MON2: variants seen among roughly 807,000 people sequenced by gnomAD.
MON2 encodes the protein MON2 regulator of endosome-to-Golgi trafficking, also known as protein MON2 homolog.
A neutral mutation model predicts 208.6 loss-of-function variants in MON2; 84 were observed. That is an observed-to-expected ratio of 0.40 (90% CI 0.34 to 0.48). The LOEUF (loss-of-function observed/expected upper bound fraction) is 0.48. Among genes scored for constraint, MON2 ranks in the 20% least tolerant of loss-of-function variants. The pLI, the probability that MON2 is intolerant of heterozygous loss-of-function variation, is 0.59. For synonymous variants in MON2, 660 were observed against 694.0 expected (o/e 0.95, Z 0.77); for missense variants, 1,611 against 2,015.4 (o/e 0.80, Z 3.84).
chr12:62,534,568 T>TATATA (rs1245730265), intron 12 of MON2, among the ~76,000 whole-genome samples: 1 of 116,662 alleles, frequency 8.6e-6, no homozygotes, highest in Non-Finnish European at 1.8e-5. Flanking sequence ...TATATATATA[T>TATATA]TTTATATATA....
chr12:62,596,414 A>G lies in MON2; in HGVS notation c.*3665A>G, dbSNP rs1210101092. 6.6e-6 allele frequency: 1 copy of G among 152,248 alleles called. No homozygotes were observed. Among genetic ancestry groups the G allele is most frequent in the Non-Finnish European group, 1.5e-5 (1 of 68,048 alleles). The allele number at this position is 152,248 out of a possible 1,614,324, so 9.4% of individuals were successfully genotyped here. On this transcript the variant is annotated 3_prime_UTR_variant, in exon 35 of 35. Coordinates refer to ENST00000393630, the MANE Select transcript of MON2 (RefSeq NM_015026.3). ...GAATGGGTTAGTGTACAGGCTCAGA[A>G]TATTGTGGATTACAGTTTTTCAGAG...
chr12:62,567,179 G>T (rs1462284941), intron 29 of MON2, among the ~76,000 whole-genome samples: 1 of 152,158 alleles, frequency 6.6e-6, no homozygotes, highest in Non-Finnish European at 1.5e-5. Flanking sequence ...CTAGCATGTG[G>T]ATGTACCTTA....
chr12:62,523,982 A>G (rs2072203283), intron 8 of MON2, among the ~76,000 whole-genome samples: 3 of 152,132 alleles, frequency 2.0e-5, no homozygotes, highest in Non-Finnish European at 4.4e-5. Flanking sequence ...ATGATAATTA[A>G]TACTTAATTA....
chr12:62,495,284 T>C, intron 4 of MON2, 137 bp downstream of exon 4: 5 of 717,956 alleles, frequency 7.0e-6, no homozygotes, highest in African/African-American at 1.8e-5. Flanking sequence ...CATTGCATGT[T>C]AATAACTGTT....
chr12:62,533,783 C>G (rs139416187), intron 12 of MON2, among the ~76,000 whole-genome samples: 1 of 152,184 alleles, frequency 6.6e-6, no homozygotes, highest in Non-Finnish European at 1.5e-5. Context: ...CACACACCCC[C>G]ACACACAAGC....
intron 32 of MON2, among the ~76,000 whole-genome samples, chr12:62,585,065 GCA>G (rs57834850): frequency 0.046 from 4,568 of 98,760 alleles, 154 homozygotes; most frequent in Middle Eastern, 0.067. Context: ...CTCTCTACAT[GCA>G]CACACACACA....
intron 1 of MON2, among the ~76,000 whole-genome samples, chr12:62,469,714 T>C (rs926752303): frequency 6.6e-6 from 1 of 152,180 alleles, no homozygotes; most frequent in Non-Finnish European, 1.5e-5. Context: ...ATTTTGGCTT[T>C]TGTTCTTCAA....
At chr12:62,476,678 C>T (rs983459471) in intron 1 of MON2, among the ~76,000 whole-genome samples, 2 of 152,030 alleles carry the variant, frequency 1.3e-5, no homozygotes, top group Non-Finnish European at 2.9e-5. Flanking sequence ...TTCAAATTAT[C>T]CACCCACCTC....
chr12:62,516,723 AATAAGT>A (rs1460046674), intron 8 of MON2, among the ~76,000 whole-genome samples: 1 of 152,096 alleles, frequency 6.6e-6, no homozygotes, highest in Non-Finnish European at 1.5e-5. Context: ...TAAATAAATA[AATAAGT>A]ATAATTGGAA....
In MON2 at chr12:62,588,016, C is replaced by G. The variant is rs764992131; in HGVS notation, c.4908-58C>G. On this transcript the variant is annotated intron_variant, in intron 33 of 34. Coordinates refer to ENST00000393630, the MANE Select transcript of MON2 (RefSeq NM_015026.3). Reference sequence around the variant, plus strand: ...ATTTGTACAAACTTAGTTTAAAAAACAAACATACCTGGCAACTTTAAAATC... The same window carrying G: ...ATTTGTACAAACTTAGTTTAAAAAAGAAACATACCTGGCAACTTTAAAATC... The G allele has an allele frequency of 1.6e-5, 19 of 1,157,194 alleles. No individual in the cohort carries two copies. The East Asian group carries it at 4.5e-4, about 28-fold the overall frequency. 71.7% of individuals were successfully genotyped at this position (1,157,194 alleles called of 1,614,324 possible). A position where few individuals can be genotyped will look rare whatever the true frequency, so the allele number is the denominator to read the frequency against.
Position 62,506,067 on chromosome 12 carries a change from G to C in MON2, c.790-2219G>C, listed in dbSNP as rs181463573. On this transcript the variant is annotated intron_variant, in intron 7 of 34. Coordinates refer to ENST00000393630, the MANE Select transcript of MON2 (RefSeq NM_015026.3). ...AAACCCAACTGTAGTGAGTTGAGCA[G>C]TGAGAGGGAAACAGTGAATTGGTAA... is the stretch of plus-strand genomic sequence containing the variant. Among the ~76,000 whole-genome samples, 206 of 152,276 alleles carry C rather than the reference G, an allele frequency of 1.4e-3. 3 individuals are homozygous for C. Among genetic ancestry groups the C allele is most frequent in the Admixed American group, 7.6e-3 (116 of 15,294 alleles).
rs1205807330 is a variant in MON2, at chr12:62,525,133, C to T, written c.1159C>T (p.Arg387Cys). The change falls in exon 10 of 35, where the codon CGT (arginine) becomes TGT (cysteine). Residue 387 changes from arginine (R) to cysteine (C), a missense_variant. Transcript: ENST00000393630. Reference sequence around the variant, plus strand: ...GAAACAGCATTCTACCAAGGTTTTTCGTGATATTGTAAATGCACTGGGATC... The same window carrying T: ...GAAACAGCATTCTACCAAGGTTTTTTGTGATATTGTAAATGCACTGGGATC... ...DMKQHSTKVF[R>C]DIVNALGSFI... 3.1e-6 allele frequency: 5 copies of T among 1,611,444 alleles called. No individual in the cohort carries two copies. Among genetic ancestry groups the T allele is most frequent in the Non-Finnish European group, 4.2e-6 (5 of 1,177,746 alleles).
chr12:62,562,737 A>G (rs1012665815), intron 26 of MON2, among the ~76,000 whole-genome samples: 13 of 152,204 alleles, frequency 8.5e-5, no homozygotes, highest in Admixed American at 7.9e-4. Flanking sequence ...ATAGAAAGCT[A>G]TTTTCTTTCC....
At chr12:62,536,252 G>C (rs1367083902) in intron 14 of MON2, among the ~76,000 whole-genome samples, 2 of 151,922 alleles carry the variant, frequency 1.3e-5, no homozygotes, top group East Asian at 3.9e-4. Context: ...TAGTAGAACA[G>C]TAATGTTTGT....
intron 8 of MON2, among the ~76,000 whole-genome samples, chr12:62,515,348 C>G (rs2071631316): frequency 6.6e-6 from 1 of 152,148 alleles, no homozygotes; most frequent in Admixed American, 6.5e-5. Flanking sequence ...GGACATTATG[C>G]TGAGTGAAAT....
chr12:62,492,612 C>G (rs2070221386), intron 2 of MON2, among the ~76,000 whole-genome samples: 2 of 147,166 alleles, frequency 1.4e-5, no homozygotes, highest in African/African-American at 2.5e-5. Context: ...ACCTCATGAT[C>G]CACCCGCCTC....
At chr12:62,512,305 A>G (rs980135606) in intron 8 of MON2, among the ~76,000 whole-genome samples, 1 of 152,238 alleles carries the variant, frequency 6.6e-6, no homozygotes, top group Non-Finnish European at 1.5e-5. Flanking sequence ...TCTTCTGCCT[A>G]TGAGCCTGTA....
chr12:62,494,085 C>A, intron 3 of MON2, 43 bp downstream of exon 3: 1 of 1,535,362 alleles, frequency 6.5e-7, no homozygotes, highest in South Asian at 1.2e-5. Flanking sequence ...AGAGTTGAAT[C>A]AGAAGTTTTC....
intron 32 of MON2, among the ~76,000 whole-genome samples, chr12:62,583,383 G>A (rs10877882): frequency 0.4 from 60,899 of 151,736 alleles, 12,882 homozygotes; most frequent in African/African-American, 0.54. Context: ...TAAAGATGTA[G>A]AGTTCAGTGA....
Sources: allele counts gnomAD v4.1 joint callset (sites outside exome capture counted in the v4.1 genomes callset), GRCh38; gene constraint gnomAD v4.1.1; transcripts MANE v1.5; gene names NCBI Gene and HGNC (gene_info 2026-07-23, HGNC 2026-07-21).